Variants in NLGN4Y observed in about 807,000 individuals in gnomAD.
NLGN4Y encodes the protein neuroligin-4, Y-linked.
Under a neutral mutation model 8.4 loss-of-function variants are expected in NLGN4Y, and 4 were observed. The observed-to-expected ratio is 0.48, with a 90% confidence interval of 0.23 to 1.09. NLGN4Y has a LOEUF of 1.09. Ranked by LOEUF, NLGN4Y falls within the 50% of genes least tolerant of loss-of-function variation. The pLI, the probability that NLGN4Y is intolerant of heterozygous loss-of-function variation, is 0.19. For missense variants in NLGN4Y, 90 were observed against 192.3 expected (o/e 0.47, Z 3.15); for synonymous variants, 35 against 75.6 (o/e 0.46, Z 2.78).
At chrY:14,816,359 C>A (rs372706623) in intron 4 of NLGN4Y, among the ~76,000 whole-genome samples, 1 of 33,575 alleles carries the variant, frequency 3.0e-5, no homozygotes, top group African/African-American at 1.2e-4. Flanking sequence ...CAGTTTCTAC[C>A]TTTTCTCCTT....
intron 2 of NLGN4Y, among the ~76,000 whole-genome samples, chrY:14,707,091 GTATATATATATATATATATATA>G (rs1460684278): frequency 1.3e-3 from 5 of 3,887 alleles, no homozygotes; most frequent in Non-Finnish European, 2.8e-3. Context: ...AATTTTATGT[GTATATATATATATATATATATA>G]TATATATATA....
chrY:14,813,073 G>C (rs2043088700), intron 4 of NLGN4Y, among the ~76,000 whole-genome samples: 1 of 30,620 alleles, frequency 3.3e-5, no homozygotes, highest in Non-Finnish European at 7.8e-5. Context: ...GTTATTGATA[G>C]GAAAAACTGG....
intron 2 of NLGN4Y, among the ~76,000 whole-genome samples, chrY:14,699,203 T>G (rs2150542656): frequency 3.0e-5 from 1 of 33,458 alleles, no homozygotes; most frequent in Non-Finnish European, 7.4e-5. Context: ...GACTTCCCAG[T>G]ATAGTATCTA....
At chrY:14,634,566 G>A (rs2150512854) in intron 2 of NLGN4Y, among the ~76,000 whole-genome samples, 1 of 33,378 alleles carries the variant, frequency 3.0e-5, no homozygotes, top group East Asian at 8.0e-4. Flanking sequence ...CAGCCTGGGT[G>A]ACACAGTAAG....
chrY:14,790,374 G>C, intron 4 of NLGN4Y, among the ~76,000 whole-genome samples: 1 of 33,174 alleles, frequency 3.0e-5, no homozygotes, highest in Admixed American at 2.8e-4. Context: ...CACATTAACA[G>C]TAACCATAAA....
intron 2 of NLGN4Y, among the ~76,000 whole-genome samples, chrY:14,668,894 C>T: frequency 3.1e-5 from 1 of 32,178 alleles, no homozygotes; most frequent in Admixed American, 2.9e-4. Context: ...TCATGACCAC[C>T]GGAACAGCCA....
intron 4 of NLGN4Y, among the ~76,000 whole-genome samples, chrY:14,795,429 A>G: frequency 3.0e-5 from 1 of 32,838 alleles, no homozygotes; most frequent in African/African-American, 1.2e-4. Context: ...CTTTAATATC[A>G]TTTTTGTATT....
At chrY:14,822,921 T>G in intron 4 of NLGN4Y, among the ~76,000 whole-genome samples, 1 of 33,490 alleles carries the variant, frequency 3.0e-5, no homozygotes, top group Non-Finnish European at 7.4e-5. Flanking sequence ...GTAGGATGTG[T>G]CTTAAGTAAG....
At chrY:14,627,189 GA>G (rs775355307) in intron 2 of NLGN4Y, among the ~76,000 whole-genome samples, 11 of 12,391 alleles carry the variant, frequency 8.9e-4, no homozygotes, top group Non-Finnish European at 1.3e-3. Flanking sequence ...TCAATCTTAA[GA>G]AAAAAAAAAA....
intron 1 of NLGN4Y, among the ~76,000 whole-genome samples, chrY:14,606,014 G>A (rs2080445833): frequency 3.0e-5 from 1 of 32,846 alleles, no homozygotes; most frequent in Non-Finnish European, 7.5e-5. Flanking sequence ...TAACAGCAGA[G>A]AGCTTTGGGG....
intron 4 of NLGN4Y, among the ~76,000 whole-genome samples, chrY:14,752,101 A>G (rs2081043723): frequency 6.0e-5 from 2 of 33,240 alleles, no homozygotes; most frequent in Admixed American, 5.6e-4. Flanking sequence ...TTATGATTTT[A>G]TCTTTGATAT....
At chrY:14,648,478 G>A (rs2150518817) in intron 2 of NLGN4Y, among the ~76,000 whole-genome samples, 1 of 32,583 alleles carries the variant, frequency 3.1e-5, no homozygotes, top group South Asian at 6.7e-4. Flanking sequence ...AAAATAAAAG[G>A]GAAAAGTTGG....
intron 1 of NLGN4Y, among the ~76,000 whole-genome samples, chrY:14,558,384 T>C (rs1041298683): frequency 3.0e-5 from 1 of 33,522 alleles, no homozygotes; most frequent in Non-Finnish European, 7.4e-5. Flanking sequence ...AATGAAATTA[T>C]GAAGGGACAG....
At chrY:14,610,137 T>A in intron 1 of NLGN4Y, among the ~76,000 whole-genome samples, 1 of 33,368 alleles carries the variant, frequency 3.0e-5, no homozygotes, top group Non-Finnish European at 7.4e-5. Flanking sequence ...TTTTGTTAAT[T>A]TTTTCCAAAA....
chrY:14,703,096 T>C (rs2080860616), intron 2 of NLGN4Y, among the ~76,000 whole-genome samples: 2 of 33,307 alleles, frequency 6.0e-5, no homozygotes, highest in Non-Finnish European at 1.5e-4. Flanking sequence ...AAAAATTTTC[T>C]CCCATTCTGT....
intron 1 of NLGN4Y, among the ~76,000 whole-genome samples, chrY:14,587,030 A>G (rs2080343960): frequency 3.0e-5 from 1 of 33,077 alleles, no homozygotes. Flanking sequence ...GTACTACTCC[A>G]GGTCAAACTG....
intron 4 of NLGN4Y, among the ~76,000 whole-genome samples, chrY:14,786,234 T>C (rs2042966796): frequency 8.8e-5 from 3 of 33,941 alleles, no homozygotes. Flanking sequence ...TCTAGAGTAA[T>C]ATTGATGAGC....
At position 14,842,365 on chromosome Y, in the gene NLGN4Y, G is replaced by T; in HGVS notation, c.*1103G>T. On this transcript the variant is annotated 3_prime_UTR_variant, in exon 7 of 7. Transcript: ENST00000684976. ...TCCTGTTCTGTAGTTCTTGCCCTTT[G>T]AATATATTTGGGAAGAGTTGCTTCC... 8.2e-6 allele frequency: 1 copy of T among 121,962 alleles called. No homozygotes were observed. The highest frequency in any genetic ancestry group is 3.9e-5 in the South Asian group (1 of 25,720). The allele number at this position is 121,962 out of a possible 400,897, so 30.4% of individuals were successfully genotyped here. A position where few individuals can be genotyped will look rare whatever the true frequency, so the allele number is the denominator to read the frequency against.
At chrY:14,735,193 A>G (rs779504208) in intron 4 of NLGN4Y, among the ~76,000 whole-genome samples, 6 of 34,119 alleles carry the variant, frequency 1.8e-4, no homozygotes, top group African/African-American at 6.8e-4. Flanking sequence ...ATGTCTAAGC[A>G]TGCCTGAGCA....
Sources: gnomAD v4.1 joint callset for allele counts (sites outside exome capture counted in the v4.1 genomes callset) on GRCh38, gnomAD v4.1.1 for gene constraint, MANE v1.5 for transcripts, NCBI Gene and HGNC (gene_info 2026-07-23, HGNC 2026-07-21) for gene names.